The following SI variants were observed in gnomAD, a reference collection of about 807,000 sequenced individuals.
The protein encoded by SI is sucrase-isomaltase, also known as sucrase-isomaltase, intestinal.
Under a neutral mutation model 253.3 loss-of-function variants are expected in SI, and 235 were observed. The observed-to-expected ratio is 0.93, with a 90% CI of 0.83 to 1.03. The LOEUF (loss-of-function observed/expected upper bound fraction) is 1.03. SI is among the 50% of genes least tolerant of loss of function. The pLI is 0.00. For synonymous variants in SI, 819 were observed against 712.0 expected (o/e 1.15, Z -2.39); for missense variants, 2,442 against 2,211.1 (o/e 1.10, Z -2.09).
chr3:165,007,807 T>C (rs1428216074), intron 36 of SI, 104 bp downstream of exon 36: 4 of 369,176 alleles, frequency 1.1e-5, no homozygotes, highest in Non-Finnish European at 2.0e-5. Context: ...ATTCTATATA[T>C]ATATTCTATG....
At chr3:164,984,707 G>A (rs1717354832) in intron 45 of SI, among the ~76,000 whole-genome samples, 1 of 152,052 alleles carries the variant, frequency 6.6e-6, no homozygotes, top group Non-Finnish European at 1.5e-5. Context: ...ATGTTAACAA[G>A]TTTTAGGAGA....
rs745639672 is a variant in SI at position 165,019,775 on chromosome 3, A to G, written c.3255-5T>C. 1.2e-6 allele frequency: 2 copies of G among 1,611,184 alleles called. No individual in the cohort carries two copies. The highest frequency in any genetic ancestry group is 1.7e-6 in the Non-Finnish European group (2 of 1,177,810). ...CCAGGCAGCCAAGAATCCCAACTGA[A>G]AACAAAAGAAAACAAAGCTATGTCT... On this transcript the variant is annotated splice_region_variant and splice_polypyrimidine_tract_variant and intron_variant, in intron 27 of 47. Transcript: ENST00000264382.
chr3:165,068,952 C>CA (rs2108100551), intron 4 of SI, 121 bp from the exon 5 acceptor site: 2 of 1,000,838 alleles, frequency 2.0e-6, no homozygotes, highest in East Asian at 2.5e-5. Flanking sequence ...TACAATCATG[C>CA]AAAAATAAGG....
intron 22 of SI, among the ~76,000 whole-genome samples, chr3:165,034,839 A>G (rs1368759372): frequency 6.6e-6 from 1 of 152,040 alleles, no homozygotes. Context: ...AATTACTGGA[A>G]TCACCTTTTA....
chr3:164,991,228 T>G, intron 44 of SI, 125 bp downstream of exon 44: 1 of 1,020,238 alleles, frequency 9.8e-7, no homozygotes, highest in Non-Finnish European at 1.5e-6. Flanking sequence ...GGCATTCATG[T>G]TACTGAGGCA....
At chr3:165,078,223 CA>C (rs928878761) in intron 1 of SI, among the ~76,000 whole-genome samples, 6 of 149,800 alleles carry the variant, frequency 4.0e-5, no homozygotes, top group Non-Finnish European at 7.4e-5. Context: ...AGAGTTGGGC[CA>C]AAAAAAATCC....
At chr3:165,015,341 C>A (rs1283115386) in intron 32 of SI, 108 bp from the exon 33 acceptor site, 2 of 751,248 alleles carry the variant, frequency 2.7e-6, no homozygotes, top group Non-Finnish European at 4.7e-6. Context: ...TAATAATGTG[C>A]TCTCACATTA....
intron 44 of SI, among the ~76,000 whole-genome samples, chr3:164,989,389 G>GAAGAAAGAAAGAAAGAAAGA (rs1184335609): frequency 1.0e-3 from 62 of 59,490 alleles, no homozygotes; most frequent in Admixed American, 6.6e-3. Flanking sequence ...AGAAAGAAAG[G>GAAGAAAGAAAGAAAGAAAGA]AAGAAAGAAA....
At chr3:165,077,010 C>G (rs1267029162) in intron 1 of SI, among the ~76,000 whole-genome samples, 1 of 141,426 alleles carries the variant, frequency 7.1e-6, no homozygotes, top group East Asian at 2.1e-4. Flanking sequence ...TCACAATGGT[C>G]CCTGTTCTGT....
intron 47 of SI, among the ~76,000 whole-genome samples, chr3:164,980,738 G>A (rs1576862882): frequency 6.6e-6 from 1 of 151,866 alleles, no homozygotes; most frequent in Non-Finnish European, 1.5e-5. Context: ...TTAATGGTTT[G>A]TTTTTATGCT....
In SI at chr3:165,069,166, CCAG is replaced by C. The variant is rs755508187; in HGVS notation, c.282_284del (p.Cys94del). 93 of 1,612,872 alleles carry C rather than the reference CCAG, an allele frequency of 5.8e-5. No individual in the cohort carries two copies. Among genetic ancestry groups the C allele is most frequent in the Non-Finnish European group, 1.0e-5 (12 of 1,179,192 alleles). ...GAATAAGAGAGTCATTCCACGGCCT[CCAG>C]CAGCAGCCTCTCTGTGCACAAATTC... On this transcript the variant is annotated inframe_deletion, in exon 4 of 48. Coordinates refer to ENST00000264382, the MANE Select transcript of SI (RefSeq NM_001041.4).
chr3:165,049,981 G>A, intron 13 of SI, 106 bp from the exon 14 acceptor site: 1 of 730,428 alleles, frequency 1.4e-6, no homozygotes, highest in Non-Finnish European at 2.5e-6. Flanking sequence ...TAACCATAAT[G>A]CTCGTTAATT....
In SI at chr3:165,033,433, T is replaced by C; in HGVS notation, c.2527A>G (p.Asn843Asp). The part of the protein sequence containing the change: ...DDGETKDTIQ[N>D]GNYILYTFSV... Reference sequence around the variant, plus strand: ...AATGTATATAATATGTAGTTGCCATTTTGTATTGTATCTGAAATGAAAAAT... The same window carrying C: ...AATGTATATAATATGTAGTTGCCATCTTGTATTGTATCTGAAATGAAAAAT... The change falls in exon 23 of 48, where the codon AAT becomes GAT. Residue 843 changes from asparagine to aspartate, a missense_variant. Coordinates refer to ENST00000264382, the MANE Select transcript of SI (RefSeq NM_001041.4). 1 of 1,546,070 alleles carries C rather than the reference T, an allele frequency of 6.5e-7. No individual in the cohort carries two copies. Among genetic ancestry groups the C allele is most frequent in the Non-Finnish European group, 8.8e-7 (1 of 1,142,742 alleles).
chr3:165,041,133 AG>A (rs746362815), intron 17 of SI, 39 bp from the exon 18 acceptor site: 293 of 1,587,526 alleles, frequency 1.8e-4, no homozygotes, highest in Admixed American at 4.0e-4. Flanking sequence ...AGAAAGCTAA[AG>A]TATGAGTGAA....
At chr3:165,034,486 G>A (rs1328575877) in intron 22 of SI, among the ~76,000 whole-genome samples, 1 of 151,882 alleles carries the variant, frequency 6.6e-6, no homozygotes, top group Non-Finnish European at 1.5e-5. Flanking sequence ...GTTAAGTTCA[G>A]CTGAAATCCA....
chr3:165,016,936 C>A (rs1333314825), intron 31 of SI, among the ~76,000 whole-genome samples: 1 of 151,730 alleles, frequency 6.6e-6, no homozygotes, highest in African/African-American at 2.4e-5. Flanking sequence ...TGAGGTTTTT[C>A]TGATTTTTCT....
chr3:165,037,873 A>T (rs753021705), intron 21 of SI, 27 bp downstream of exon 21: 1 of 1,457,924 alleles, frequency 6.9e-7, no homozygotes. Flanking sequence ...TTTATTTTAG[A>T]TTTCAACTAA....
chr3:165,022,556 C>CACAT (rs1553772748), intron 26 of SI, among the ~76,000 whole-genome samples: 1 of 149,998 alleles, frequency 6.7e-6, no homozygotes, highest in Non-Finnish European at 1.5e-5. Context: ...CACACACACA[C>CACAT]ACACACACAC....
rs1037003665 is a variant in SI at position 165,066,374 on chromosome 3, T to C, written c.636-942A>G. The stretch of plus-strand genomic sequence containing the variant: ...TGTATTAATGGGATACAATATGATG[T>C]TTTGATGTACATTATTTGATGATAA... On this transcript the variant is annotated intron_variant, in intron 6 of 47. Coordinates refer to ENST00000264382, the MANE Select transcript of SI (RefSeq NM_001041.4). Among the ~76,000 whole-genome samples, 9 of 152,070 alleles carry C rather than the reference T, an allele frequency of 5.9e-5. No homozygotes were observed. The South Asian group carries it at 1.0e-3, about 17-fold the overall frequency.
Sources: gnomAD v4.1 joint callset for allele counts (sites outside exome capture counted in the v4.1 genomes callset) on GRCh38, gnomAD v4.1.1 for gene constraint, MANE v1.5 for transcripts, NCBI Gene and HGNC (gene_info 2026-07-23, HGNC 2026-07-21) for gene names.